The following EML6 variants were observed in gnomAD, a reference collection of about 807,000 sequenced individuals.
The protein encoded by EML6 is echinoderm microtubule-associated protein-like 6.
EML6 carries 154 observed loss-of-function variants against 240.1 expected under a neutral mutation model. That is an observed-to-expected ratio of 0.64 (90% CI 0.56 to 0.73). The LOEUF (loss-of-function observed/expected upper bound fraction) is 0.73, where lower values mean the gene tolerates loss of function less well. Ranked by LOEUF, EML6 falls within the 30% of genes least tolerant of loss-of-function variation. The probability of loss-of-function intolerance (pLI) is 0.00; values close to 1 mark genes in which losing one functional copy is unlikely to be tolerated. For synonymous variants in EML6, 1,148 were observed against 899.0 expected (o/e 1.28, Z -4.95); for missense variants, 2,964 against 2,474.6 (o/e 1.20, Z -4.20).
intron 7 of EML6, among the ~76,000 whole-genome samples, chr2:54,837,036 C>G (rs1669189966): frequency 6.6e-6 from 1 of 152,122 alleles, no homozygotes; most frequent in Non-Finnish European, 1.5e-5. Flanking sequence ...GCTGTCTTTT[C>G]CACACCCTCT....
At position 54,827,863 on chromosome 2, in the gene EML6, A is replaced by G. The variant is rs545938937; in HGVS notation, c.711+112A>G. 3.8e-5 allele frequency: 26 copies of G among 687,964 alleles called. No individual in the cohort carries two copies. The East Asian group carries it at 4.6e-4, about 12-fold the overall frequency. 42.6% of individuals were successfully genotyped at this position (687,964 alleles called of 1,614,324 possible). On this transcript the variant is annotated intron_variant, in intron 6 of 41. Coordinates refer to ENST00000356458, the MANE Select transcript of EML6 (RefSeq NM_001039753.4). ...TTAGAATCAGAGAACCCTGCTGAAC[A>G]CTCCCTACTCATGATAATTTCCCAT... is the stretch of plus-strand genomic sequence containing the variant.
chr2:54,834,164 A>C (rs1432897375), intron 7 of EML6, among the ~76,000 whole-genome samples: 1 of 152,134 alleles, frequency 6.6e-6, no homozygotes, highest in African/African-American at 2.4e-5. Context: ...GGGCATGGGG[A>C]GAACTCCCTC....
chr2:54,851,575 C>T lies in EML6; in HGVS notation c.1444+1357C>T, dbSNP rs185529302. ...TAGTCTGTATAATTTTCTGTATGCT[C>T]GAAGTATTTCATAGTTTTTTAAAGT... On this transcript the variant is annotated intron_variant, in intron 10 of 41. Coordinates refer to ENST00000356458, the MANE Select transcript of EML6 (RefSeq NM_001039753.4). Among the ~76,000 whole-genome samples the T allele has an allele frequency of 1.5e-3, 228 of 152,220 alleles. 1 individual carries two copies. The highest frequency in any genetic ancestry group is 5.1e-3 in the African/African-American group (213 of 41,542).
At chr2:54,840,719 C>T (rs1365787224) in intron 7 of EML6, among the ~76,000 whole-genome samples, 4 of 152,216 alleles carry the variant, frequency 2.6e-5, no homozygotes, top group Non-Finnish European at 5.9e-5. Flanking sequence ...CTTTATTGAG[C>T]ATCTACCACG....
chr2:54,899,223 A>G (rs1039219699), intron 21 of EML6, among the ~76,000 whole-genome samples: 7 of 152,262 alleles, frequency 4.6e-5, no homozygotes, highest in East Asian at 3.8e-4. Context: ...CTTTTAGAAT[A>G]TGATTTAACT....
intron 15 of EML6, among the ~76,000 whole-genome samples, chr2:54,870,678 A>G (rs1437150421): frequency 6.6e-6 from 1 of 152,148 alleles, no homozygotes; most frequent in East Asian, 1.9e-4. Context: ...TTTTTTAAGT[A>G]AAAGCCAGAG....
intron 2 of EML6, among the ~76,000 whole-genome samples, chr2:54,801,203 C>G (rs929424382): frequency 6.6e-6 from 1 of 151,722 alleles, no homozygotes; most frequent in Non-Finnish European, 1.5e-5. Flanking sequence ...GCCTGTAGTC[C>G]CAGATCCTCG....
At chr2:54,878,370 G>A (rs1156776267) in intron 16 of EML6, among the ~76,000 whole-genome samples, 1 of 152,148 alleles carries the variant, frequency 6.6e-6, no homozygotes, top group African/African-American at 2.4e-5. Flanking sequence ...ATATACTGAT[G>A]CAGGATGAGC....
chr2:54,967,998 G>T (rs1033375447), intron 39 of EML6, 130 bp from the exon 40 acceptor site: 2 of 837,420 alleles, frequency 2.4e-6, no homozygotes, highest in African/African-American at 3.4e-5. Context: ...GTACCGTTCC[G>T]TGGCCTGGCT....
intron 11 of EML6, 31 bp downstream of exon 11, chr2:54,853,886 A>C: frequency 7.0e-7 from 1 of 1,428,514 alleles, no homozygotes; most frequent in Admixed American, 2.0e-5. Flanking sequence ...TCATTGCATA[A>C]AGATTTACTC....
intron 33 of EML6, 85 bp from the exon 34 acceptor site, chr2:54,959,019 C>G (rs1459608278): frequency 7.6e-7 from 1 of 1,309,532 alleles, no homozygotes; most frequent in African/African-American, 1.5e-5. Context: ...ATCTCTAGCT[C>G]TGGTTCCTTA....
chr2:54,928,735 G>C lies in EML6; in HGVS notation c.3988G>C (p.Val1330Leu), dbSNP rs1228356075. 5.2e-6 allele frequency: 8 copies of C among 1,551,874 alleles called. No homozygotes were observed. The Admixed American group carries it at 1.4e-4, about 27-fold the overall frequency. Residue 1330 changes from valine (V) to leucine (L), a missense_variant, in exon 28 of 42, where the codon GTT (valine) becomes CTT (leucine). Physicochemically the swap from Val to Leu is conservative, Grantham distance 32. Coordinates refer to ENST00000356458, the MANE Select transcript of EML6 (RefSeq NM_001039753.4). ...CAAGCCACACCAGCAGCTGAAGGAAGTTTCCGTGGAAGAAAGGTATGGTGT... is the reference window on the plus strand; with the variant it reads ...CAAGCCACACCAGCAGCTGAAGGAACTTTCCGTGGAAGAAAGGTATGGTGT... ...GTKPHQQLKEVSVEERPPVSR... is the reference protein window; with the variant it reads ...GTKPHQQLKELSVEERPPVSR...
At chr2:54,926,780 CTCTT>C (rs905716323) in intron 26 of EML6, among the ~76,000 whole-genome samples, 7 of 152,176 alleles carry the variant, frequency 4.6e-5, no homozygotes, top group African/African-American at 1.4e-4. Flanking sequence ...TTTTTCCTCT[CTCTT>C]TCTTCCTCTA....
chr2:54,964,791 T>G (rs1676677225), intron 38 of EML6, 58 bp downstream of exon 38: 2 of 1,493,570 alleles, frequency 1.3e-6, no homozygotes, highest in Admixed American at 4.0e-5. Flanking sequence ...GTAATAACAA[T>G]GGCCTATATT....
intron 2 of EML6, among the ~76,000 whole-genome samples, chr2:54,794,816 T>G (rs1448205746): frequency 6.6e-6 from 1 of 152,240 alleles, no homozygotes; most frequent in Non-Finnish European, 1.5e-5. Flanking sequence ...TTTGGTTTAG[T>G]AAATGCCTAA....
At chr2:54,759,132 A>G (rs1444780737) in intron 2 of EML6, among the ~76,000 whole-genome samples, 1 of 151,064 alleles carries the variant, frequency 6.6e-6, no homozygotes, top group Non-Finnish European at 1.5e-5. Context: ...CATTTGTGAA[A>G]TGTGTGATTA....
chr2:54,890,951 G>T, intron 17 of EML6, 103 bp from the exon 18 acceptor site: 1 of 500,858 alleles, frequency 2.0e-6, no homozygotes. Context: ...TAATTTAATG[G>T]TCCTGTTAGA....
At chr2:54,967,743 C>T (rs562706901) in intron 39 of EML6, among the ~76,000 whole-genome samples, 1 of 152,090 alleles carries the variant, frequency 6.6e-6, no homozygotes, top group African/African-American at 2.4e-5. Flanking sequence ...CACCAGGGAC[C>T]AATTTCATGG....
chr2:54,800,214 C>T (rs1670053442), intron 2 of EML6, among the ~76,000 whole-genome samples: 1 of 152,172 alleles, frequency 6.6e-6, no homozygotes, highest in Admixed American at 6.5e-5. Flanking sequence ...TACTGCACTC[C>T]AGCCTGACAT....
Sources: gnomAD v4.1 joint callset for allele counts (sites outside exome capture counted in the v4.1 genomes callset) on GRCh38, gnomAD v4.1.1 for gene constraint, MANE v1.5 for transcripts, NCBI Gene and HGNC (gene_info 2026-07-23, HGNC 2026-07-21) for gene names.